Variants in LNX2 observed in about 807,000 individuals in gnomAD.
LNX2 encodes ligand of numb-protein X 2.
In LNX2, 35 loss-of-function variants were observed where a neutral mutation model predicts 66.2. The ratio of observed to expected loss-of-function variants is 0.53; its 90% CI spans 0.40 to 0.70. LNX2 has a LOEUF of 0.70. Among genes scored for constraint, LNX2 ranks in the 30% least tolerant of loss-of-function variants. The pLI, the probability that LNX2 is intolerant of heterozygous loss-of-function variation, is 0.00. For missense variants in LNX2, 791 were observed against 850.8 expected (o/e 0.93, Z 0.87); for synonymous variants, 337 against 315.6 (o/e 1.07, Z -0.72).
At chr13:27,607,272 C>T (rs1301147854) in intron 1 of LNX2, among the ~76,000 whole-genome samples, 3 of 152,194 alleles carry the variant, frequency 2.0e-5, no homozygotes, top group Non-Finnish European at 4.4e-5. Context: ...TCTACTGCTG[C>T]TTAAGGGAAA....
At chr13:27,597,671 T>C (rs1955613805) in intron 1 of LNX2, among the ~76,000 whole-genome samples, 1 of 152,002 alleles carries the variant, frequency 6.6e-6, no homozygotes, top group South Asian at 2.1e-4. Flanking sequence ...GTTACTGCAA[T>C]GGCCAAGATG....
intron 1 of LNX2, among the ~76,000 whole-genome samples, chr13:27,584,920 C>A (rs1955465515): frequency 6.8e-6 from 1 of 148,114 alleles, no homozygotes; most frequent in South Asian, 2.1e-4. Context: ...GAGTTTGAGA[C>A]CAGGCTGGCC....
intron 7 of LNX2, among the ~76,000 whole-genome samples, chr13:27,555,300 A>T (rs1193742453): frequency 2.0e-5 from 3 of 152,182 alleles, no homozygotes; most frequent in African/African-American, 7.2e-5. Context: ...CTTTAGAGAA[A>T]TGTCTATTCA....
intron 2 of LNX2, among the ~76,000 whole-genome samples, chr13:27,578,826 T>A (rs1277483579): frequency 6.6e-6 from 1 of 152,254 alleles, no homozygotes; most frequent in Non-Finnish European, 1.5e-5. Flanking sequence ...CCTTCCCAGC[T>A]GTGGCACACA....
chr13:27,612,927 C>A (rs527380589), intron 1 of LNX2, among the ~76,000 whole-genome samples: 1 of 152,124 alleles, frequency 6.6e-6, no homozygotes, highest in Non-Finnish European at 1.5e-5. Flanking sequence ...TATCTTGAAT[C>A]GCCTCTAGAT....
At chr13:27,585,168 G>C (rs1305892059) in intron 1 of LNX2, among the ~76,000 whole-genome samples, 1 of 150,842 alleles carries the variant, frequency 6.6e-6, no homozygotes, top group African/African-American at 2.5e-5. Flanking sequence ...GCTCACACCT[G>C]TAATCCCAGC....
chr13:27,571,766 G>A (rs1482340610), intron 2 of LNX2, among the ~76,000 whole-genome samples: 1 of 152,100 alleles, frequency 6.6e-6, no homozygotes, highest in Admixed American at 6.5e-5. Flanking sequence ...GCAGATAAAA[G>A]CTCATGAATA....
intron 1 of LNX2, among the ~76,000 whole-genome samples, chr13:27,605,660 T>C (rs1410381238): frequency 6.6e-6 from 1 of 152,168 alleles, no homozygotes; most frequent in Non-Finnish European, 1.5e-5. Flanking sequence ...CTTTCTGAGC[T>C]CCAGTCCTTA....
rs149879383 is a variant in LNX2 at position 27,563,521 on chromosome 13, T to A, written c.856-740A>T. ...TTCACCTTTATAATCTCAAAAAAAG[T>A]ATAGTGACTGATCCTTGGGTATGTA... On this transcript the variant is annotated intron_variant, in intron 4 of 9. Coordinates refer to ENST00000316334, the MANE Select transcript of LNX2 (RefSeq NM_153371.4). Among the ~76,000 whole-genome samples, 719 of 152,310 alleles carry A rather than the reference T, an allele frequency of 4.7e-3. 4 individuals are homozygous for A. Among genetic ancestry groups the A allele is most frequent in the African/African-American group, 0.016 (676 of 41,570 alleles).
intron 2 of LNX2, among the ~76,000 whole-genome samples, chr13:27,575,449 A>C (rs1390443484): frequency 2.0e-5 from 3 of 152,166 alleles, no homozygotes; most frequent in Non-Finnish European, 4.4e-5. Flanking sequence ...TGCCCTCCCC[A>C]ATGTGGTTGC....
intron 1 of LNX2, among the ~76,000 whole-genome samples, chr13:27,598,716 ATAATTT>A (rs1204476805): frequency 6.6e-6 from 1 of 152,218 alleles, no homozygotes; most frequent in Non-Finnish European, 1.5e-5. Context: ...TTCCAGAGCT[ATAATTT>A]TAAAGTATAT....
chr13:27,555,322 C>T (rs890816482), intron 7 of LNX2, among the ~76,000 whole-genome samples: 7 of 152,144 alleles, frequency 4.6e-5, no homozygotes, highest in African/African-American at 7.2e-5. Flanking sequence ...ATTCTTTCCT[C>T]ATCTTTATGT....
chr13:27,588,021 C>CAAAAAAAAAAAAAAAA (rs56812051), intron 1 of LNX2, among the ~76,000 whole-genome samples: 41 of 93,514 alleles, frequency 4.4e-4, no homozygotes, highest in African/African-American at 6.8e-4. Flanking sequence ...ACTCTTGTCA[C>CAAAAAAAAAAAAAAAA]AAAAAAAAAA....
At chr13:27,559,664 T>C (rs929828297) in intron 6 of LNX2, among the ~76,000 whole-genome samples, 178 bp downstream of exon 6, 1 of 152,152 alleles carries the variant, frequency 6.6e-6, no homozygotes, top group Non-Finnish European at 1.5e-5. Flanking sequence ...AACATATACA[T>C]TTCATATTCC....
chr13:27,570,485 T>A (rs557892514), intron 2 of LNX2, among the ~76,000 whole-genome samples: 1 of 152,336 alleles, frequency 6.6e-6, no homozygotes, highest in Admixed American at 6.5e-5. Context: ...AATATCTTTA[T>A]TCACCTTTCT....
At chr13:27,594,752 C>T (rs1325944307) in intron 1 of LNX2, among the ~76,000 whole-genome samples, 1 of 152,144 alleles carries the variant, frequency 6.6e-6, no homozygotes, top group Non-Finnish European at 1.5e-5. Flanking sequence ...GAGGATCCTC[C>T]CGTTTCTCTT....
At chr13:27,580,638 C>A (rs1339954768) in intron 2 of LNX2, among the ~76,000 whole-genome samples, 1 of 152,108 alleles carries the variant, frequency 6.6e-6, no homozygotes, top group Non-Finnish European at 1.5e-5. Flanking sequence ...TTTATGAGAA[C>A]AGAAATCCCC....
chr13:27,569,718 T>C (rs1015288288), intron 2 of LNX2, among the ~76,000 whole-genome samples: 1 of 152,186 alleles, frequency 6.6e-6, no homozygotes, highest in African/African-American at 2.4e-5. Context: ...ACCATGCTTC[T>C]ACACTCTTCA....
At chr13:27,590,568 A>C (rs1161221323) in intron 1 of LNX2, among the ~76,000 whole-genome samples, 1 of 152,068 alleles carries the variant, frequency 6.6e-6, no homozygotes, top group Admixed American at 6.5e-5. Flanking sequence ...AAATGTTAGC[A>C]GCATAGATGG....
Sources: allele counts gnomAD v4.1 joint callset (sites outside exome capture counted in the v4.1 genomes callset), GRCh38; gene constraint gnomAD v4.1.1; transcripts MANE v1.5; gene names NCBI Gene and HGNC (gene_info 2026-07-23, HGNC 2026-07-21).